Variants in TBC1D5 observed in about 807,000 individuals in gnomAD.
TBC1D5 encodes TBC1 domain family member 5.
TBC1D5 carries 75 observed loss-of-function variants against 100.3 expected under a neutral mutation model. The ratio of observed to expected loss-of-function variants is 0.75; its 90% CI spans 0.62 to 0.91. The LOEUF (loss-of-function observed/expected upper bound fraction) is 0.91. Among genes scored for constraint, TBC1D5 ranks in the 40% least tolerant of loss-of-function variants. The probability of loss-of-function intolerance (pLI) is 0.00; values close to 1 mark genes in which losing one functional copy is unlikely to be tolerated. For missense variants in TBC1D5, 910 were observed against 942.4 expected (o/e 0.97, Z 0.45); for synonymous variants, 323 against 325.6 (o/e 0.99, Z 0.09).
intron 1 of TBC1D5, among the ~76,000 whole-genome samples, chr3:17,700,952 C>A (rs141519725): frequency 1.5e-3 from 230 of 152,234 alleles, no homozygotes; most frequent in African/African-American, 5.3e-3. Context: ...ACTCGAAATA[C>A]CATTTGACCC....
intron 2 of TBC1D5, among the ~76,000 whole-genome samples, chr3:17,588,755 G>C (rs917050711): frequency 2.6e-5 from 4 of 152,082 alleles, no homozygotes; most frequent in African/African-American, 9.7e-5. Context: ...AAATACTAAA[G>C]TCTTAGGAGT....
chr3:17,458,751 G>A (rs905786458), intron 3 of TBC1D5, among the ~76,000 whole-genome samples: 7 of 152,162 alleles, frequency 4.6e-5, no homozygotes, highest in African/African-American at 1.7e-4. Context: ...TTACATTTGG[G>A]AGTGATGTCT....
intron 16 of TBC1D5, among the ~76,000 whole-genome samples, chr3:17,254,482 C>A (rs2077453572): frequency 6.6e-6 from 1 of 152,018 alleles, no homozygotes; most frequent in Non-Finnish European, 1.5e-5. Flanking sequence ...AACATCTTTT[C>A]ATAGCACATT....
At chr3:17,343,714 G>C (rs2089390603) in intron 13 of TBC1D5, among the ~76,000 whole-genome samples, 1 of 152,064 alleles carries the variant, frequency 6.6e-6, no homozygotes, top group African/African-American at 2.4e-5. Context: ...ATGTGTTGAG[G>C]AATTTATCCA....
chr3:17,614,920 G>C (rs902163245), intron 2 of TBC1D5, among the ~76,000 whole-genome samples: 1 of 152,140 alleles, frequency 6.6e-6, no homozygotes, highest in African/African-American at 2.4e-5. Flanking sequence ...CCAACACTAT[G>C]TTGAATAGGA....
intron 4 of TBC1D5, among the ~76,000 whole-genome samples, chr3:17,420,303 C>A (rs1472182627): frequency 6.6e-6 from 1 of 151,686 alleles, no homozygotes; most frequent in Non-Finnish European, 1.5e-5. Context: ...TTATTAACCA[C>A]TACAACTTTG....
chr3:17,627,994 C>T (rs892888096), intron 1 of TBC1D5, among the ~76,000 whole-genome samples: 13 of 152,092 alleles, frequency 8.5e-5, no homozygotes, highest in African/African-American at 3.1e-4. Context: ...AAATTATACA[C>T]TATATTTTTA....
intron 14 of TBC1D5, among the ~76,000 whole-genome samples, chr3:17,303,764 C>T (rs183504986): frequency 6.6e-6 from 1 of 151,812 alleles, no homozygotes; most frequent in East Asian, 1.9e-4. Flanking sequence ...AAACACTCAA[C>T]ACCCTCTACC....
intron 1 of TBC1D5, among the ~76,000 whole-genome samples, chr3:17,665,494 G>A (rs2067163729): frequency 6.6e-6 from 1 of 152,182 alleles, no homozygotes; most frequent in Non-Finnish European, 1.5e-5. Context: ...ACCAACAGTA[G>A]ACTGAGTAAT....
At chr3:17,700,041 A>T (rs1293975782) in intron 1 of TBC1D5, 1 of 152,098 alleles carries the variant, frequency 6.6e-6, no homozygotes, top group East Asian at 1.9e-4. Context: ...CACCCACACT[A>T]GAGTTCTGGC....
At chr3:17,374,538 G>C in exon 12 of TBC1D5, 2 of 1,611,276 alleles carry the variant, frequency 1.2e-6, no homozygotes, top group Non-Finnish European at 1.7e-6. Context: ...TGAGAACACT[G>C]CACTAAAAAT....
chr3:17,401,838 T>C (rs1202889358), intron 8 of TBC1D5, among the ~76,000 whole-genome samples: 1 of 152,168 alleles, frequency 6.6e-6, no homozygotes. Context: ...GCCTGTTTAC[T>C]ACCACTGATT....
chr3:17,720,392 A>C (rs969847458), intron 1 of TBC1D5, among the ~76,000 whole-genome samples: 3 of 152,236 alleles, frequency 2.0e-5, no homozygotes, highest in Admixed American at 1.3e-4. Flanking sequence ...TTAAAAATGC[A>C]ATCAGCTAAT....
At chr3:17,201,651 G>A (rs148822245) in intron 18 of TBC1D5, among the ~76,000 whole-genome samples, 41 of 152,144 alleles carry the variant, frequency 2.7e-4, no homozygotes, top group Middle Eastern at 3.4e-3. Flanking sequence ...GGTGGATTTC[G>A]CCCTTGCTGT....
chr3:17,546,626 G>C (rs575019875), intron 2 of TBC1D5, among the ~76,000 whole-genome samples: 12 of 151,512 alleles, frequency 7.9e-5, no homozygotes, highest in Non-Finnish European at 1.8e-4. Flanking sequence ...AAAAATAACC[G>C]GGCATGGCGG....
chr3:17,338,713 G>A (rs764807394), intron 13 of TBC1D5: 6 of 152,146 alleles, frequency 3.9e-5, no homozygotes, highest in Non-Finnish European at 8.8e-5. Flanking sequence ...TTCATTTTGG[G>A]AACACTAGTA....
chr3:17,446,274 A>G (rs972482778), intron 3 of TBC1D5, among the ~76,000 whole-genome samples: 8 of 152,202 alleles, frequency 5.3e-5, no homozygotes, highest in Non-Finnish European at 1.0e-4. Flanking sequence ...GTGATAAGAA[A>G]CAAATCCTAT....
At chr3:17,525,228 C>T (rs976240190) in intron 2 of TBC1D5, among the ~76,000 whole-genome samples, 10 of 152,122 alleles carry the variant, frequency 6.6e-5, no homozygotes, top group African/African-American at 2.4e-4. Context: ...CCCCAAGGTT[C>T]AAGCAATTCT....
Position 17,269,533 on chromosome 3 carries a change from T to C in TBC1D5, c.1246-10942A>G, listed in dbSNP as rs567715117. ...GATTCATGGGGTACATGTACAGGTT[T>C]GTTTCAAGGGTATATTGCATGATAC... On this transcript the variant is annotated intron_variant, in intron 15 of 21. Coordinates refer to ENST00000253692, the Ensembl canonical transcript of TBC1D5. Among the ~76,000 whole-genome samples the C allele has an allele frequency of 2.0e-5, 3 of 152,210 alleles. No homozygotes were observed. The South Asian group carries it at 6.2e-4, about 32-fold the overall frequency.
Sources: allele counts gnomAD v4.1 joint callset (sites outside exome capture counted in the v4.1 genomes callset), GRCh38; gene constraint gnomAD v4.1.1; transcripts MANE v1.5; gene names NCBI Gene and HGNC (gene_info 2026-07-23, HGNC 2026-07-21).